Variants in NLK observed in about 807,000 individuals in gnomAD.
NLK encodes the protein serine/threonine-protein kinase NLK.
Under a neutral mutation model 59.0 loss-of-function variants are expected in NLK, and 11 were observed. That is an observed-to-expected ratio of 0.19 (90% confidence interval 0.12 to 0.31). The LOEUF is 0.31. Among genes scored for constraint, NLK ranks in the 10% least tolerant of loss-of-function variants. NLK has a pLI of 1.00. For missense variants in NLK, 410 were observed against 661.1 expected (o/e 0.62, Z 4.16); for synonymous variants, 235 against 235.9 (o/e 1.00, Z 0.03).
chr17:28,192,319 G>T, intron 10 of NLK, 106 bp downstream of exon 10: 2 of 660,884 alleles, frequency 3.0e-6, no homozygotes, highest in Non-Finnish European at 5.2e-6. Flanking sequence ...TAGATAAAAG[G>T]TGCAACAGAA....
intron 1 of NLK, among the ~76,000 whole-genome samples, chr17:28,064,640 C>G (rs1054614541): frequency 2.0e-5 from 3 of 152,296 alleles, no homozygotes. Flanking sequence ...TCAAGCAGTC[C>G]TCTTGACTCA....
At chr17:28,192,352 T>A in intron 10 of NLK, 139 bp downstream of exon 10, 1 of 598,672 alleles carries the variant, frequency 1.7e-6, no homozygotes. Flanking sequence ...GAGGTTTGGC[T>A]TTAGTCAAAA....
chr17:28,057,299 G>C (rs1020052619), intron 1 of NLK, among the ~76,000 whole-genome samples: 2 of 152,112 alleles, frequency 1.3e-5, no homozygotes, highest in Non-Finnish European at 2.9e-5. Flanking sequence ...TGCGGAGGTT[G>C]GGTTATGATT....
Position 28,042,890 on chromosome 17 carries a change from C to G in NLK, c.17C>G (p.Ala6Gly), listed in dbSNP as rs1242973064. Residue 6 changes from alanine to glycine, a missense_variant, in exon 1 of 11, where the codon GCA (alanine) becomes GGA (glycine). Ala to Gly is a moderately conservative substitution (Grantham distance 60). Around this residue, in one of 5 missense-constraint regions of NLK, gnomAD observed 160 missense variants for 171.0 expected, o/e 0.94. Transcript: ENST00000407008. MSLCG[A>G]RANAKMMAAY... The stretch of plus-strand genomic sequence containing the variant: ...TTATTTTGAATGTCTCTTTGTGGCG[C>G]AAGAGCCAACGCAAAAATGATGGCG... The G allele has an allele frequency of 6.6e-7, 1 of 1,516,130 alleles. No homozygotes were observed. The highest frequency in any genetic ancestry group is 8.9e-7 in the Non-Finnish European group (1 of 1,125,280). The allele number at this position is 1,516,130 out of a possible 1,614,324, so 93.9% of individuals were successfully genotyped here.
intron 7 of NLK, among the ~76,000 whole-genome samples, chr17:28,178,942 C>T (rs1908790550): frequency 6.6e-6 from 1 of 152,210 alleles, no homozygotes. Flanking sequence ...CCTGCTGTAG[C>T]AACCAGCATG....
At chr17:28,110,256 A>C (rs953892191) in intron 1 of NLK, among the ~76,000 whole-genome samples, 2 of 151,882 alleles carry the variant, frequency 1.3e-5, no homozygotes, top group Non-Finnish European at 2.9e-5. Flanking sequence ...TTTGGACTTC[A>C]TTTTTGAAGG....
chr17:28,144,896 A>AT (rs1240945648), intron 3 of NLK, among the ~76,000 whole-genome samples: 9 of 152,340 alleles, frequency 5.9e-5, no homozygotes, highest in South Asian at 4.1e-4. Flanking sequence ...TATCAACCCA[A>AT]TTTATTTGAG....
chr17:28,187,182 A>G (rs940880690), intron 8 of NLK, among the ~76,000 whole-genome samples: 1 of 152,134 alleles, frequency 6.6e-6, no homozygotes, highest in Non-Finnish European at 1.5e-5. Context: ...TTTATTCTCT[A>G]TTTCTATTTA....
At chr17:28,155,535 G>A (rs1353188663) in intron 3 of NLK, among the ~76,000 whole-genome samples, 3 of 152,142 alleles carry the variant, frequency 2.0e-5, no homozygotes, top group African/African-American at 7.2e-5. Context: ...CCAACCCAAT[G>A]TCCATCAGTG....
At chr17:28,064,413 G>A (rs962188253) in intron 1 of NLK, among the ~76,000 whole-genome samples, 1 of 152,014 alleles carries the variant, frequency 6.6e-6, no homozygotes, top group African/African-American at 2.4e-5. Context: ...TTCCCAAAGT[G>A]TTGGGATTAT....
intron 6 of NLK, 52 bp downstream of exon 6, chr17:28,168,709 A>ACT: frequency 7.1e-7 from 1 of 1,413,148 alleles, no homozygotes; most frequent in Non-Finnish European, 1.0e-6. Flanking sequence ...GATTTGAAGG[A>ACT]AAATCCATCT....
chr17:28,056,979 A>T (rs566884969), intron 1 of NLK, among the ~76,000 whole-genome samples: 3 of 132,270 alleles, frequency 2.3e-5, no homozygotes, highest in Middle Eastern at 4.3e-3. Flanking sequence ...TTTGAGATGA[A>T]GTTTTGCCCT....
chr17:28,195,459 T>C lies in NLK; in HGVS notation c.*823T>C, dbSNP rs997722910. On this transcript the variant is annotated 3_prime_UTR_variant, in exon 11 of 11. Coordinates refer to ENST00000407008, the MANE Select transcript of NLK (RefSeq NM_016231.5). ...TCAAAAGAATCCCAATATTGCTGTA[T>C]AGAAAGAGAACTAGCTTGCACATTT... The C allele has an allele frequency of 2.6e-5, 4 of 152,468 alleles. No homozygotes were observed. Among genetic ancestry groups the C allele is most frequent in the South Asian group, 4.1e-4 (2 of 4,824 alleles). The allele number at this position is 152,468 out of a possible 1,614,324, so 9.4% of individuals were successfully genotyped here. A position where few individuals can be genotyped will look rare whatever the true frequency, so the allele number is the denominator to read the frequency against.
At chr17:28,184,727 C>T (rs1346429244) in intron 7 of NLK, among the ~76,000 whole-genome samples, 2 of 152,274 alleles carry the variant, frequency 1.3e-5, no homozygotes, top group Non-Finnish European at 2.9e-5. Flanking sequence ...GCAGGCAGAT[C>T]ACTTGAGGTC....
At chr17:28,171,489 C>A (rs1908462132) in intron 6 of NLK, 1 of 152,162 alleles carries the variant, frequency 6.6e-6, no homozygotes, top group Admixed American at 6.5e-5. Flanking sequence ...TTATTGGTCT[C>A]TTTTATTGTG....
Position 28,168,546 on chromosome 17 carries a change from G to T in NLK, c.936G>T (p.Leu312=), listed in dbSNP as rs776269119. ...AGTATTATCGGGCTCCAGAAATCCT[G>T]ATGGGCAGCCGTCATTACAGCAATG... is the stretch of plus-strand genomic sequence containing the variant. ...VTQYYRAPEI[L]MGSRHYSNAI... The change falls in exon 6 of 11, where the codon CTG becomes CTT. Residue 312 remains leucine, a synonymous_variant. Transcript: ENST00000407008. 131 of 1,613,638 alleles carry T rather than the reference G, an allele frequency of 8.1e-5. No individual in the cohort carries two copies. In the Middle Eastern group the frequency reaches 1.8e-3, roughly 22 times the overall value.
At chr17:28,078,139 A>G (rs1910228838) in intron 1 of NLK, among the ~76,000 whole-genome samples, 1 of 152,200 alleles carries the variant, frequency 6.6e-6, no homozygotes, top group African/African-American at 2.4e-5. Flanking sequence ...AGTACTGTAC[A>G]TTATTTTTTT....
rs181769689 is a variant in NLK at position 28,180,290 on chromosome 17, C to T, written c.1150-4889C>T. The stretch of plus-strand genomic sequence containing the variant: ...ACATCACTCATTTTATTTTCTTCAG[C>T]CACTCATTCCATACCCAGTTGTCTT... On this transcript the variant is annotated intron_variant, in intron 7 of 10. Coordinates refer to ENST00000407008, the MANE Select transcript of NLK (RefSeq NM_016231.5). Among the ~76,000 whole-genome samples the T allele has an allele frequency of 7.8e-4, 119 of 152,258 alleles. 1 individual carries two copies. Among genetic ancestry groups the T allele is most frequent in the Non-Finnish European group, 2.9e-4 (20 of 68,018 alleles).
intron 3 of NLK, among the ~76,000 whole-genome samples, chr17:28,157,655 TAAAAA>T (rs539237323): frequency 3.3e-5 from 5 of 151,826 alleles, no homozygotes; most frequent in South Asian, 2.1e-4. Flanking sequence ...AAATGTTACT[TAAAAA>T]AAAGAATAAG....
Sources: allele counts gnomAD v4.1 joint callset (sites outside exome capture counted in the v4.1 genomes callset), GRCh38; gene constraint gnomAD v4.1.1; regional missense constraint gnomAD v4.1.1; transcripts MANE v1.5; gene names NCBI Gene and HGNC (gene_info 2026-07-23, HGNC 2026-07-21).